Variants in ANO10 observed in about 807,000 individuals in gnomAD.
The protein encoded by ANO10 is anoctamin-10.
A neutral mutation model predicts 74.7 loss-of-function variants in ANO10; 77 were observed. That is an observed-to-expected ratio of 1.03 (90% confidence interval 0.86 to 1.25). The LOEUF is 1.25. Among genes scored for constraint, ANO10 ranks in the 50% most tolerant of loss-of-function variants. The pLI is 0.00. For missense variants in ANO10, 721 were observed against 778.1 expected, an observed-to-expected ratio of 0.93 and a Z score of 0.87; for synonymous variants, 279 against 284.9, an observed-to-expected ratio of 0.98 and a Z score of 0.21.
At chr3:43,648,845 T>G (rs1435707537) in intron 1 of ANO10, among the ~76,000 whole-genome samples, 1 of 151,840 alleles carries the variant, frequency 6.6e-6, no homozygotes, top group Non-Finnish European at 1.5e-5. Flanking sequence ...TCCGGCTAAT[T>G]TTTTTGTATT....
intron 2 of ANO10, among the ~76,000 whole-genome samples, chr3:43,602,046 C>G (rs950506873): frequency 3.9e-5 from 6 of 152,174 alleles, no homozygotes; most frequent in African/African-American, 1.4e-4. Flanking sequence ...CAACTTTAAG[C>G]CTGGCTGTTA....
intron 11 of ANO10, among the ~76,000 whole-genome samples, chr3:43,518,425 ATTGT>A (rs1295948111): frequency 3.9e-5 from 6 of 152,142 alleles, no homozygotes; most frequent in South Asian, 4.1e-4. Context: ...ATCTGCACAA[ATTGT>A]TTGTAGAGCA....
At chr3:43,571,601 T>C (rs1349123535) in intron 7 of ANO10, among the ~76,000 whole-genome samples, 10 of 150,016 alleles carry the variant, frequency 6.7e-5, no homozygotes, top group African/African-American at 2.5e-4. Context: ...AACCAAACAC[T>C]GCATATTCTC....
intron 1 of ANO10, among the ~76,000 whole-genome samples, chr3:43,672,432 G>C (rs915266228): frequency 6.6e-6 from 1 of 152,124 alleles, no homozygotes; most frequent in African/African-American, 2.4e-5. Flanking sequence ...TTGGGACACT[G>C]AGGTGGGAGG....
intron 1 of ANO10, among the ~76,000 whole-genome samples, chr3:43,648,952 C>T (rs2083756959): frequency 6.6e-6 from 1 of 152,212 alleles, no homozygotes; most frequent in African/African-American, 2.4e-5. Context: ...GCTGGGATTA[C>T]AGGCGTGAGC....
At chr3:43,531,899 T>G (rs931094852) in intron 11 of ANO10, among the ~76,000 whole-genome samples, 1 of 143,546 alleles carries the variant, frequency 7.0e-6, no homozygotes, top group African/African-American at 2.7e-5. Flanking sequence ...AGACCCTGTC[T>G]CAAAAAAAAA....
intron 11 of ANO10, among the ~76,000 whole-genome samples, chr3:43,449,678 T>C (rs959432864): frequency 1.3e-5 from 2 of 152,214 alleles, no homozygotes; most frequent in Non-Finnish European, 2.9e-5. Flanking sequence ...AATACCACAA[T>C]GTCTTCATTA....
chr3:43,403,351 G>A (rs1279802301), intron 12 of ANO10, among the ~76,000 whole-genome samples: 1 of 152,216 alleles, frequency 6.6e-6, no homozygotes, highest in Non-Finnish European at 1.5e-5. Flanking sequence ...GAAGCTTTTG[G>A]TCTAATACCT....
At chr3:43,517,314 T>C (rs1392828748) in intron 11 of ANO10, among the ~76,000 whole-genome samples, 1 of 152,182 alleles carries the variant, frequency 6.6e-6, no homozygotes, top group Non-Finnish European at 1.5e-5. Context: ...CCTACAGTGC[T>C]GCTTGAACTA....
At chr3:43,549,262 AGTACCAAATTACATCAGGTACCAAATTAC>A (rs879533454) in intron 11 of ANO10, among the ~76,000 whole-genome samples, 14,672 of 152,076 alleles carry the variant, frequency 0.096, 1,259 homozygotes, top group African/African-American at 0.22. Context: ...ACCAAATTAC[AGTACCAAATTACATCAGGTACCAAATTAC>A]CATCAGGTAC....
intron 11 of ANO10, among the ~76,000 whole-genome samples, chr3:43,521,041 T>C (rs1243703656): frequency 6.6e-6 from 1 of 152,204 alleles, no homozygotes; most frequent in East Asian, 1.9e-4. Flanking sequence ...GTCTGAATTG[T>C]TTTTAATGGA....
intron 11 of ANO10, among the ~76,000 whole-genome samples, chr3:43,541,564 CTTATAA>C (rs950984204): frequency 4.6e-5 from 7 of 152,008 alleles, no homozygotes; most frequent in Non-Finnish European, 1.0e-4. Flanking sequence ...TATCAAAGTC[CTTATAA>C]TTATAAATTA....
At chr3:43,656,300 A>G (rs1339867271) in intron 1 of ANO10, among the ~76,000 whole-genome samples, 1 of 152,130 alleles carries the variant, frequency 6.6e-6, no homozygotes, top group African/African-American at 2.4e-5. Context: ...TGTACTTACA[A>G]TCCCTGAGCT....
intron 6 of ANO10, among the ~76,000 whole-genome samples, chr3:43,576,366 T>C (rs1043022744): frequency 1.3e-5 from 2 of 152,240 alleles, no homozygotes; most frequent in East Asian, 3.8e-4. Flanking sequence ...TGAACCTCAT[T>C]AAGCATCAGT....
intron 8 of ANO10, among the ~76,000 whole-genome samples, 182 bp from the exon 9 acceptor site, chr3:43,561,584 T>C (rs960961215): frequency 4.6e-5 from 7 of 152,194 alleles, no homozygotes; most frequent in African/African-American, 1.7e-4. Flanking sequence ...TTAGAAAAGC[T>C]AGGTGTTAGA....
chr3:43,682,095 G>C (rs2084209461), intron 1 of ANO10, among the ~76,000 whole-genome samples: 1 of 152,148 alleles, frequency 6.6e-6, no homozygotes, highest in Non-Finnish European at 1.5e-5. Context: ...CGAACTGAAG[G>C]AAATAGAGAC....
chr3:43,372,025 GTC>G (rs2125675117), intron 12 of ANO10, among the ~76,000 whole-genome samples: 1 of 152,306 alleles, frequency 6.6e-6, no homozygotes, highest in South Asian at 2.1e-4. Context: ...CTGTCAGGCG[GTC>G]CTGGAGGGAG....
chr3:43,668,771 T>A (rs2084021562), intron 1 of ANO10, among the ~76,000 whole-genome samples: 1 of 152,156 alleles, frequency 6.6e-6, no homozygotes, highest in Non-Finnish European at 1.5e-5. Flanking sequence ...TCTCTATAGA[T>A]CATTGATGTT....
At chr3:43,428,816 A>AAAAAAAAAAAAAAAC (rs2092938210) in intron 12 of ANO10, among the ~76,000 whole-genome samples, 1 of 150,930 alleles carries the variant, frequency 6.6e-6, no homozygotes, top group Admixed American at 6.6e-5. Context: ...AAAAAAAAAA[A>AAAAAAAAAAAAAAAC]AAGTCATTGA....
Sources: gnomAD v4.1 joint callset for allele counts (sites outside exome capture counted in the v4.1 genomes callset) on GRCh38, gnomAD v4.1.1 for gene constraint, MANE v1.5 for transcripts, NCBI Gene and HGNC (gene_info 2026-07-23, HGNC 2026-07-21) for gene names.